Variants in TMEM217 observed in about 807,000 individuals in gnomAD.
TMEM217 encodes chromosome 6 open reading frame 128.
For missense variants in TMEM217, 204 were observed against 248.8 expected, an observed-to-expected ratio of 0.82 and a Z score of 1.21; for synonymous variants, 76 against 88.3, an observed-to-expected ratio of 0.86 and a Z score of 0.78.
rs35867476 is a variant in TMEM217 at position 37,218,737 on chromosome 6, A to G, written c.294T>C (p.Ile98=). 3,028 of 1,614,120 alleles carry G rather than the reference A, an allele frequency of 1.9e-3. 50 individuals are homozygous for G. The African/African-American group carries it at 0.036, about 19-fold the overall frequency. Reference sequence around the variant, plus strand: ...CAGTTTCATAGAAAAAAATCCAGACAATGTAGATGACCAGGCCCCTGAAGA... The same window carrying G: ...CAGTTTCATAGAAAAAAATCCAGACGATGTAGATGACCAGGCCCCTGAAGA... Residue 98 remains isoleucine (I), a synonymous_variant, in exon 2 of 2, where the codon ATT becomes ATC. Transcript: ENST00000357219.
At chr6:37,221,972 G>A in intron 1 of TMEM217, among the ~76,000 whole-genome samples, 1 of 152,140 alleles carries the variant, frequency 6.6e-6, no homozygotes, top group Non-Finnish European at 1.5e-5. Flanking sequence ...AGAAGAGAGG[G>A]TAGTTCCTCT....
chr6:37,233,462 G>C (rs952104808), intron 1 of TMEM217, among the ~76,000 whole-genome samples: 2 of 152,188 alleles, frequency 1.3e-5, no homozygotes, highest in African/African-American at 4.8e-5. Context: ...CTTTCAGGTG[G>C]CATCTTGCCA....
Position 37,257,551 on chromosome 6 carries a change from T to C in TMEM217, c.-12+17A>G, listed in dbSNP as rs969658732. ...GAAGATAATCCCCTCTTCCTTCCCA[T>C]AGGTCCCTTACCTTACCTGCTTCTT... On this transcript the variant is annotated intron_variant, in intron 1 of 1. Transcript: ENST00000357219. 5.0e-5 allele frequency: 14 copies of C among 278,962 alleles called. No homozygotes were observed. The highest frequency in any genetic ancestry group is 3.1e-4 in the Admixed American group (6 of 19,584). The allele number at this position is 278,962 out of a possible 1,614,324, so 17.3% of individuals were successfully genotyped here. A position where few individuals can be genotyped will look rare whatever the true frequency, so the allele number is the denominator to read the frequency against.
intron 1 of TMEM217, among the ~76,000 whole-genome samples, chr6:37,234,744 G>T (rs1445632175): frequency 1.3e-5 from 2 of 151,648 alleles, no homozygotes; most frequent in Non-Finnish European, 2.9e-5. Flanking sequence ...TCAAAAAAAA[G>T]AAAATAAAAT....
rs1054093182 is a variant in TMEM217 at position 37,236,949 on chromosome 6, A to G, written c.-11-17908T>C. On this transcript the variant is annotated intron_variant, in intron 1 of 1. Transcript: ENST00000357219. ...AGTGCCCATCCATGTGGGCTTCTCC[A>G]TGGTCTCTCTGTGTGGGCTCCTTTG... Among the ~76,000 whole-genome samples, 17 of 152,210 alleles carry G rather than the reference A, an allele frequency of 1.1e-4. No homozygotes were observed. The East Asian group carries it at 3.3e-3, about 29-fold the overall frequency.
At chr6:37,230,685 G>A (rs766713113) in intron 1 of TMEM217, among the ~76,000 whole-genome samples, 14 of 152,114 alleles carry the variant, frequency 9.2e-5, no homozygotes, top group Non-Finnish European at 1.9e-4. Flanking sequence ...TTCAAGAACT[G>A]TGAGAAAATT....
chr6:37,256,482 CT>C (rs1027737986), intron 1 of TMEM217, among the ~76,000 whole-genome samples: 3 of 152,068 alleles, frequency 2.0e-5, no homozygotes, highest in East Asian at 1.9e-4. Flanking sequence ...AATAGAGGGG[CT>C]TTTTTTCTCT....
chr6:37,219,014 C>T lies in TMEM217; in HGVS notation c.17G>A (p.Trp6Ter). ...GCCCATTTTGGCAGTCATCCCACAC[C>T]ACTGCTGCTGTTTCATGCTGAGACC... The change falls in exon 2 of 2, where the codon TGG (tryptophan) becomes TAG (stop). Residue 6 changes from tryptophan to a stop codon, truncating the protein, a stop_gained. Transcript: ENST00000357219. LOFTEE classifies it low-confidence loss of function (END_TRUNC). 6.2e-7 allele frequency: 1 copy of T among 1,613,654 alleles called. No homozygotes were observed. Among genetic ancestry groups the T allele is most frequent in the African/African-American group, 1.3e-5 (1 of 75,052 alleles).
exon 4 of TMEM217, chr6:37,212,360 G>C (rs1055460): frequency 0.11 from 39,905 of 368,750 alleles, 2,427 homozygotes; most frequent in Admixed American, 0.14. Flanking sequence ...GGTAGGGAGG[G>C]TTCCATTGTT....
downstream of TMEM217, among the ~76,000 whole-genome samples, chr6:37,213,860 T>C (rs1206828913): frequency 2.0e-5 from 3 of 152,218 alleles, no homozygotes; most frequent in Non-Finnish European, 2.9e-5. Flanking sequence ...CTCCTCATCA[T>C]TCACTACACT....
At chr6:37,222,391 G>A (rs1326759314) in intron 1 of TMEM217, among the ~76,000 whole-genome samples, 1 of 152,254 alleles carries the variant, frequency 6.6e-6, no homozygotes, top group Non-Finnish European at 1.5e-5. Context: ...AGGCCAGGCA[G>A]CGGGAGCAGA....
intron 1 of TMEM217, among the ~76,000 whole-genome samples, chr6:37,242,291 G>T (rs1398853479): frequency 6.6e-6 from 1 of 152,180 alleles, no homozygotes; most frequent in Non-Finnish European, 1.5e-5. Flanking sequence ...GGCCCCCACG[G>T]TGGGCAGAAC....
chr6:37,238,709 A>G (rs1025689350), intron 1 of TMEM217, among the ~76,000 whole-genome samples: 1 of 152,240 alleles, frequency 6.6e-6, no homozygotes, highest in East Asian at 1.9e-4. Context: ...TTACTGAAGC[A>G]ACAAGCATGA....
intron 1 of TMEM217, among the ~76,000 whole-genome samples, chr6:37,237,014 G>A (rs183262441): frequency 6.6e-6 from 1 of 152,240 alleles, no homozygotes; most frequent in East Asian, 1.9e-4. Context: ...TCCAGAATGA[G>A]TGTCCCAAAA....
chr6:37,226,332 G>T (rs1379280961), intron 1 of TMEM217, among the ~76,000 whole-genome samples: 1 of 112,824 alleles, frequency 8.9e-6, no homozygotes, highest in African/African-American at 3.5e-5. Context: ...TCGCTCTTTC[G>T]CCCAGGCTGG....
chr6:37,218,245 C>T (rs1763326922), exon 2 of TMEM217: 5 of 1,301,720 alleles, frequency 3.8e-6, no homozygotes, highest in Admixed American at 3.2e-5. Context: ...TCTCGGCTCA[C>T]TGCAACCTCC....
exon 4 of TMEM217, chr6:37,212,362 TCCATTGTTGAGGAACA>T (rs1260554612): frequency 8.1e-6 from 3 of 369,478 alleles, no homozygotes; most frequent in Non-Finnish European, 1.1e-5. Context: ...TAGGGAGGGT[TCCATTGTTGAGGAACA>T]CCATTCCCTC....
At chr6:37,229,523 T>C (rs1011580619) in intron 1 of TMEM217, among the ~76,000 whole-genome samples, 6 of 151,860 alleles carry the variant, frequency 4.0e-5, no homozygotes, top group Non-Finnish European at 7.4e-5. Flanking sequence ...TTTGTATTTT[T>C]AGTAGAAACG....
intron 1 of TMEM217, among the ~76,000 whole-genome samples, chr6:37,243,926 A>G (rs868635203): frequency 6.6e-6 from 1 of 152,202 alleles, no homozygotes; most frequent in Non-Finnish European, 1.5e-5. Flanking sequence ...AGGAGCCCAC[A>G]TGGAGTCAGC....
Sources: gnomAD v4.1 joint callset for allele counts (sites outside exome capture counted in the v4.1 genomes callset) on GRCh38, gnomAD v4.1.1 for gene constraint, MANE v1.5 for transcripts, NCBI Gene and HGNC (gene_info 2026-07-23, HGNC 2026-07-21) for gene names.